Variants in CNTNAP2 observed in about 807,000 individuals in gnomAD.
The protein encoded by CNTNAP2 is contactin-associated protein-like 2.
Under a neutral mutation model 155.2 loss-of-function variants are expected in CNTNAP2, and 98 were observed. The ratio of observed to expected loss-of-function variants is 0.63; its 90% confidence interval spans 0.54 to 0.75. The LOEUF is 0.75. Among genes scored for constraint, CNTNAP2 ranks in the 30% least tolerant of loss-of-function variants. The pLI is 0.00. For synonymous variants in CNTNAP2, 651 were observed against 631.2 expected (o/e 1.03, Z -0.47); for missense variants, 1,727 against 1,688.1 (o/e 1.02, Z -0.40).
At chr7:148,390,594 G>A (rs148190259) in intron 22 of CNTNAP2, among the ~76,000 whole-genome samples, 3 of 152,286 alleles carry the variant, frequency 2.0e-5, no homozygotes, top group African/African-American at 7.2e-5. Context: ...CAGGATGTTT[G>A]TTTTGCAGGA....
intron 20 of CNTNAP2, among the ~76,000 whole-genome samples, chr7:148,241,283 TTCCCTTC>T (rs1482135985): frequency 1.3e-5 from 2 of 152,220 alleles, no homozygotes; most frequent in African/African-American, 4.8e-5. Context: ...TCATTCCCAA[TTCCCTTC>T]TCTTTCTTAA....
At chr7:146,579,141 A>G (rs10268534) in intron 1 of CNTNAP2, among the ~76,000 whole-genome samples, 45,882 of 151,992 alleles carry the variant, frequency 0.3, 7,161 homozygotes, top group East Asian at 0.48. Flanking sequence ...TCCAACAGAG[A>G]AATTTCGGGT....
In CNTNAP2 at chr7:148,061,878, T is replaced by TATAGATAGATAGATAG. The variant is rs199822052; in HGVS notation, c.2384-56220_2384-56205dup. Among the ~76,000 whole-genome samples, 237 of 112,124 alleles carry TATAGATAGATAGATAG rather than the reference T, an allele frequency of 2.1e-3. 17 individuals carry two copies. Among genetic ancestry groups the TATAGATAGATAGATAG allele is most frequent in the African/African-American group, 6.9e-3 (209 of 30,366 alleles). The allele number at this position is 112,124 out of a possible 152,430, so 73.6% of individuals were successfully genotyped here. On this transcript the variant is annotated intron_variant, in intron 15 of 23. Coordinates refer to ENST00000361727, the MANE Select transcript of CNTNAP2 (RefSeq NM_014141.6). ...AGATATAGATAGATAGATAAACAGA[T>TATAGATAGATAGATAG]ATAGATAGATAGATAGATAGATAGA...
intron 1 of CNTNAP2, among the ~76,000 whole-genome samples, chr7:146,639,266 C>G (rs1044007580): frequency 2.6e-5 from 4 of 152,132 alleles, no homozygotes; most frequent in Non-Finnish European, 4.4e-5. Flanking sequence ...AAGTTCTGTT[C>G]ACTACTTTAA....
chr7:146,603,367 G>A (rs1334647947), intron 1 of CNTNAP2, among the ~76,000 whole-genome samples: 9 of 150,460 alleles, frequency 6.0e-5, no homozygotes, highest in East Asian at 2.0e-4. Context: ...AGCCGAGACC[G>A]CGCCACTGCA....
chr7:147,851,222 A>G (rs980306543), intron 13 of CNTNAP2, among the ~76,000 whole-genome samples: 3 of 152,154 alleles, frequency 2.0e-5, no homozygotes, highest in African/African-American at 7.2e-5. Flanking sequence ...CCACAATGAG[A>G]TACCATCTCA....
chr7:146,216,311 AGAAT>A (rs1799112039), intron 1 of CNTNAP2, among the ~76,000 whole-genome samples: 1 of 152,232 alleles, frequency 6.6e-6, no homozygotes, highest in Non-Finnish European at 1.5e-5. Context: ...AGCGTCTGCC[AGAAT>A]GACAACCATT....
intron 4 of CNTNAP2, among the ~76,000 whole-genome samples, chr7:147,052,777 T>C (rs1339914202): frequency 1.3e-5 from 2 of 152,056 alleles, no homozygotes; most frequent in East Asian, 3.9e-4. Context: ...ATAGATTTAA[T>C]AAATATCACT....
At chr7:146,583,551 C>T (rs1798643889) in intron 1 of CNTNAP2, among the ~76,000 whole-genome samples, 1 of 152,066 alleles carries the variant, frequency 6.6e-6, no homozygotes, top group Admixed American at 6.6e-5. Context: ...CACACCATTG[C>T]AGCTATTTTT....
At chr7:147,404,251 T>A (rs1429882169) in intron 10 of CNTNAP2, among the ~76,000 whole-genome samples, 1 of 152,142 alleles carries the variant, frequency 6.6e-6, no homozygotes, top group East Asian at 1.9e-4. Context: ...CTACAAATAA[T>A]CAAAGAACAG....
intron 15 of CNTNAP2, among the ~76,000 whole-genome samples, chr7:148,062,002 GAT>G (rs1563185582): frequency 0.014 from 1,219 of 84,846 alleles, 51 homozygotes; most frequent in African/African-American, 0.031. Context: ...TAGATAGATA[GAT>G]AGATGATAGA....
At chr7:147,469,720 G>A (rs576478813) in intron 10 of CNTNAP2, among the ~76,000 whole-genome samples, 3 of 151,682 alleles carry the variant, frequency 2.0e-5, no homozygotes, top group South Asian at 2.1e-4. Flanking sequence ...GGGTTTCATC[G>A]TGTTAGCCAG....
At chr7:148,405,420 A>T (rs1799676322) in intron 22 of CNTNAP2, among the ~76,000 whole-genome samples, 7 of 64,282 alleles carry the variant, frequency 1.1e-4, no homozygotes, top group African/African-American at 5.5e-4. Context: ...TACCATTGTA[A>T]TTTTTTTTTT....
intron 1 of CNTNAP2, among the ~76,000 whole-genome samples, chr7:146,132,629 T>A (rs2116738864): frequency 6.9e-6 from 1 of 144,088 alleles, no homozygotes; most frequent in South Asian, 2.2e-4. Context: ...TGTGATCTCA[T>A]TGTTCAATTC....
intron 21 of CNTNAP2, among the ~76,000 whole-genome samples, chr7:148,315,178 C>G (rs1391946360): frequency 6.6e-6 from 1 of 152,148 alleles, no homozygotes; most frequent in Non-Finnish European, 1.5e-5. Context: ...TAAGGAAGAT[C>G]CCCTGATTCG....
At chr7:147,096,385 C>G (rs1426619390) in intron 4 of CNTNAP2, among the ~76,000 whole-genome samples, 1 of 152,210 alleles carries the variant, frequency 6.6e-6, no homozygotes, top group African/African-American at 2.4e-5. Flanking sequence ...AAGTTACCTC[C>G]ATGTGAATAG....
intron 2 of CNTNAP2, among the ~76,000 whole-genome samples, chr7:146,836,971 G>A (rs1053587957): frequency 5.9e-5 from 9 of 151,880 alleles, no homozygotes; most frequent in African/African-American, 2.2e-4. Context: ...TTTCTGCTGA[G>A]AAGTTGTAAC....
intron 3 of CNTNAP2, among the ~76,000 whole-genome samples, chr7:146,953,357 T>G (rs10252942): frequency 0.028 from 4,275 of 152,060 alleles, 198 homozygotes; most frequent in African/African-American, 0.096. Flanking sequence ...CTGCAACTTG[T>G]AGTTTAAACT....
chr7:148,355,458 G>A (rs34089530), intron 21 of CNTNAP2, among the ~76,000 whole-genome samples: 5,530 of 152,036 alleles, frequency 0.036, 102 homozygotes, highest in African/African-American at 0.049. Flanking sequence ...TAGTTTGCCA[G>A]GTTAGCTCCA....
Sources: allele counts gnomAD v4.1 joint callset (sites outside exome capture counted in the v4.1 genomes callset), GRCh38; gene constraint gnomAD v4.1.1; transcripts MANE v1.5; gene names NCBI Gene and HGNC (gene_info 2026-07-23, HGNC 2026-07-21).